Variants in CACNA2D3 observed in about 807,000 individuals in gnomAD.
CACNA2D3 encodes the protein calcium voltage-gated channel auxiliary subunit alpha2delta 3, also known as voltage-dependent calcium channel subunit alpha-2/delta-3.
Under a neutral mutation model 160.6 loss-of-function variants are expected in CACNA2D3, and 60 were observed. The ratio of observed to expected loss-of-function variants is 0.37; its 90% CI spans 0.30 to 0.46. The LOEUF is 0.46. Ranked by LOEUF, CACNA2D3 falls within the 20% of genes least tolerant of loss-of-function variation. The probability of loss-of-function intolerance (pLI) is 1.00; values close to 1 mark genes in which losing one functional copy is unlikely to be tolerated. For synonymous variants in CACNA2D3, 558 were observed against 492.9 expected, an observed-to-expected ratio of 1.13 and a Z score of -1.75; for missense variants, 1,205 against 1,365.0, an observed-to-expected ratio of 0.88 and a Z score of 1.85.
At chr3:54,302,771 T>A (rs1442184607) in intron 2 of CACNA2D3, among the ~76,000 whole-genome samples, 1 of 151,808 alleles carries the variant, frequency 6.6e-6, no homozygotes, top group South Asian at 2.1e-4. Context: ...TTCATCTGTT[T>A]CTCTCTTCTT....
At chr3:54,878,004 A>G (rs542722578) in intron 18 of CACNA2D3, among the ~76,000 whole-genome samples, 1 of 152,368 alleles carries the variant, frequency 6.6e-6, no homozygotes, top group East Asian at 1.9e-4. Flanking sequence ...AAATATCTAG[A>G]GTAAAATATA....
Position 54,570,083 on chromosome 3 carries a change from T to G in CACNA2D3, c.867T>G (p.Asp289Glu). Residue 289 changes from aspartate (D) to glutamate (E), a missense_variant, in exon 8 of 38, where the codon GAT becomes GAG. By Grantham distance (45) the Asp-to-Glu change is conservative. Coordinates refer to ENST00000474759, the MANE Select transcript of CACNA2D3 (RefSeq NM_018398.3). ...CCATTTTGGATACACTTGGGGATGA[T>G]GACTTCTTCAACATAATTGCTGTGA... ...VSSILDTLGD[D>E]DFFNIIAYNE... 3 of 1,613,734 alleles carry G rather than the reference T, an allele frequency of 1.9e-6. No homozygotes were observed. Among genetic ancestry groups the G allele is most frequent in the Non-Finnish European group, 1.7e-6 (2 of 1,179,656 alleles).
chr3:54,936,424 C>T (rs1701330920), intron 27 of CACNA2D3, among the ~76,000 whole-genome samples: 1 of 152,118 alleles, frequency 6.6e-6, no homozygotes, highest in Non-Finnish European at 1.5e-5. Flanking sequence ...CTCTGCTTGT[C>T]ATCAAAGTCG....
chr3:54,269,190 C>G (rs750148822), intron 2 of CACNA2D3, among the ~76,000 whole-genome samples: 5 of 151,998 alleles, frequency 3.3e-5, no homozygotes, highest in Non-Finnish European at 7.4e-5. Flanking sequence ...GAGGCCCCAC[C>G]TGGATTTGAA....
At chr3:54,798,261 A>G (rs1702909309) in intron 13 of CACNA2D3, among the ~76,000 whole-genome samples, 1 of 152,114 alleles carries the variant, frequency 6.6e-6, no homozygotes, top group African/African-American at 2.4e-5. Context: ...CAGGCTGGGC[A>G]TGGTGGCCCA....
intron 10 of CACNA2D3, chr3:54,639,166 C>T (rs1285175130): frequency 6.6e-6 from 1 of 151,496 alleles, no homozygotes; most frequent in African/African-American, 2.4e-5. Flanking sequence ...GTTCTTGCCC[C>T]CTAGGAAAGC....
At chr3:54,897,453 C>T (rs1285838934) in intron 26 of CACNA2D3, among the ~76,000 whole-genome samples, 1 of 152,076 alleles carries the variant, frequency 6.6e-6, no homozygotes, top group Non-Finnish European at 1.5e-5. Flanking sequence ...GTCTTATTTC[C>T]ACCAGTTTTG....
intron 4 of CACNA2D3, among the ~76,000 whole-genome samples, chr3:54,440,816 T>A (rs1237856526): frequency 1.3e-5 from 2 of 152,166 alleles, no homozygotes; most frequent in African/African-American, 2.4e-5. Context: ...GGACATGAAC[T>A]CATCATTTTT....
In CACNA2D3 at chr3:54,900,550, A is replaced by AT. The variant is rs1168672674; in HGVS notation, c.2449+683dup. Among the ~76,000 whole-genome samples the AT allele has an allele frequency of 1.4e-3, 215 of 152,356 alleles. 1 individual carries two copies. Among genetic ancestry groups the AT allele is most frequent in the Non-Finnish European group, 4.3e-4 (29 of 68,028 alleles). On this transcript the variant is annotated intron_variant, in intron 27 of 37. Transcript: ENST00000474759. ...GCCCTCTTTGAAGACAGATGCTGAC[A>AT]TAAAAACAAGGCCCGAGGGTGTGTC...
chr3:54,199,536 A>AT (rs1312661787), intron 2 of CACNA2D3, among the ~76,000 whole-genome samples: 1 of 151,396 alleles, frequency 6.6e-6, no homozygotes, highest in African/African-American at 2.4e-5. Context: ...CCCGCCACTA[A>AT]TTTTTTTATT....
chr3:54,955,523 A>T (rs1477683094), intron 27 of CACNA2D3, among the ~76,000 whole-genome samples: 1 of 152,190 alleles, frequency 6.6e-6, no homozygotes, highest in South Asian at 2.1e-4. Flanking sequence ...CCCTCCCTGC[A>T]CTTAGGATAA....
intron 4 of CACNA2D3, among the ~76,000 whole-genome samples, chr3:54,475,836 T>TGTGTGTGTGTGTGTGTGTGTGTGTGA (rs367560891): frequency 6.6e-6 from 1 of 151,268 alleles, no homozygotes; most frequent in Non-Finnish European, 1.5e-5. Context: ...TGTGTGTGTG[T>TGTGTGTGTGTGTGTGTGTGTGTGTGA]GACAGAGAGA....
chr3:54,258,046 G>A (rs182973249), intron 2 of CACNA2D3, among the ~76,000 whole-genome samples: 1 of 152,336 alleles, frequency 6.6e-6, no homozygotes, highest in East Asian at 1.9e-4. Context: ...GCTGGTGCTG[G>A]AAGATAAAAG....
intron 2 of CACNA2D3, among the ~76,000 whole-genome samples, chr3:54,213,068 A>G (rs1033080894): frequency 6.6e-6 from 1 of 152,148 alleles, no homozygotes; most frequent in Admixed American, 6.5e-5. Flanking sequence ...AATCTCCACC[A>G]TCAATTGTTT....
intron 5 of CACNA2D3, among the ~76,000 whole-genome samples, chr3:54,527,954 T>G (rs1054504546): frequency 6.6e-6 from 1 of 152,192 alleles, no homozygotes; most frequent in Non-Finnish European, 1.5e-5. Flanking sequence ...TACTTTAAAT[T>G]TTTGTGTTTT....
chr3:54,870,190 GGCCC>G (rs983557842), intron 17 of CACNA2D3, among the ~76,000 whole-genome samples: 1 of 152,134 alleles, frequency 6.6e-6, no homozygotes, highest in African/African-American at 2.4e-5. Flanking sequence ...GACCCCTTCT[GGCCC>G]TCCCCTCATC....
chr3:54,297,512 T>C (rs770677787), intron 2 of CACNA2D3, among the ~76,000 whole-genome samples: 1 of 152,086 alleles, frequency 6.6e-6, no homozygotes, highest in African/African-American at 2.4e-5. Flanking sequence ...CTCGTTTATA[T>C]TTTCCCAGAA....
At chr3:54,482,005 C>T (rs946291714) in intron 4 of CACNA2D3, among the ~76,000 whole-genome samples, 1 of 152,152 alleles carries the variant, frequency 6.6e-6, no homozygotes, top group African/African-American at 2.4e-5. Flanking sequence ...AATGTATTTT[C>T]CCTCTTAAAG....
At chr3:54,814,241 C>T (rs918993019) in intron 13 of CACNA2D3, among the ~76,000 whole-genome samples, 4 of 152,174 alleles carry the variant, frequency 2.6e-5, no homozygotes, top group Non-Finnish European at 2.9e-5. Flanking sequence ...TTCATCCAGC[C>T]GTTGCTAATT....
Sources: gnomAD v4.1 joint callset for allele counts (sites outside exome capture counted in the v4.1 genomes callset) on GRCh38, gnomAD v4.1.1 for gene constraint, MANE v1.5 for transcripts, NCBI Gene and HGNC (gene_info 2026-07-23, HGNC 2026-07-21) for gene names.